Variants in DPP10 observed in about 807,000 individuals in gnomAD.
The protein encoded by DPP10 is dipeptidyl peptidase like 10.
Under a neutral mutation model 120.9 loss-of-function variants are expected in DPP10, and 33 were observed. The observed-to-expected ratio is 0.27, with a 90% CI of 0.21 to 0.37. DPP10 has a LOEUF of 0.37. Ranked by LOEUF, DPP10 falls within the 10% of genes least tolerant of loss-of-function variation. The pLI is 1.00. For synonymous variants in DPP10, 337 were observed against 326.1 expected (o/e 1.03, Z -0.36); for missense variants, 816 against 942.8 (o/e 0.87, Z 1.76).
intron 3 of DPP10, among the ~76,000 whole-genome samples, chr2:115,368,970 C>T (rs1251186260): frequency 1.3e-5 from 2 of 151,786 alleles, no homozygotes; most frequent in Non-Finnish European, 2.9e-5. Context: ...TTTATTTTCT[C>T]AAGAAAATTG....
Position 115,643,408 on chromosome 2 carries a change from G to A in DPP10, c.442-46279G>A, listed in dbSNP as rs187315532. On this transcript the variant is annotated intron_variant, in intron 5 of 25. Coordinates refer to ENST00000410059, the MANE Select transcript of DPP10 (RefSeq NM_020868.6). ...AAGAATAGTAGCAGCATGAAAAATTGTAGAGAGGCAGTAAAACTGAAAGCT... is the reference window on the plus strand; with the variant it reads ...AAGAATAGTAGCAGCATGAAAAATTATAGAGAGGCAGTAAAACTGAAAGCT... 5.3e-5 allele frequency among the ~76,000 whole-genome samples: 8 copies of A among 152,256 alleles called. No homozygotes were observed. The East Asian group carries it at 1.5e-3, about 29-fold the overall frequency.
intron 1 of DPP10, among the ~76,000 whole-genome samples, chr2:115,017,674 T>TA (rs61388707): frequency 6.6e-5 from 10 of 152,016 alleles, no homozygotes; most frequent in African/African-American, 2.2e-4. Flanking sequence ...TATGCAGCCA[T>TA]AAAAAAATGA....
At chr2:115,446,149 G>C (rs1472127940) in intron 3 of DPP10, among the ~76,000 whole-genome samples, 1 of 152,226 alleles carries the variant, frequency 6.6e-6, no homozygotes, top group Admixed American at 6.5e-5. Context: ...AGCCTTGGTG[G>C]CTTCCATGTG....
chr2:115,215,609 T>A (rs1304468658), intron 1 of DPP10, among the ~76,000 whole-genome samples: 2 of 152,146 alleles, frequency 1.3e-5, no homozygotes, highest in Non-Finnish European at 2.9e-5. Flanking sequence ...GGAGAAAAAT[T>A]ACAGAAGTGG....
intron 1 of DPP10, among the ~76,000 whole-genome samples, chr2:114,552,205 A>C (rs1687938971): frequency 6.6e-6 from 1 of 152,236 alleles, no homozygotes; most frequent in African/African-American, 2.4e-5. Flanking sequence ...TTGCCAGTGC[A>C]GTAGGGCAGC....
chr2:114,457,821 C>G (rs576354211), intron 1 of DPP10, among the ~76,000 whole-genome samples: 1 of 152,262 alleles, frequency 6.6e-6, no homozygotes. Flanking sequence ...TATCCCTGCT[C>G]CTGTCTTGGC....
chr2:115,667,107 G>A (rs1221076848), intron 5 of DPP10, among the ~76,000 whole-genome samples: 3 of 152,112 alleles, frequency 2.0e-5, no homozygotes, highest in Non-Finnish European at 4.4e-5. Context: ...AATGATTAGT[G>A]ATGTTGAGCG....
At chr2:115,703,266 TAA>T (rs1297567765) in intron 7 of DPP10, among the ~76,000 whole-genome samples, 1 of 151,974 alleles carries the variant, frequency 6.6e-6, no homozygotes, top group Non-Finnish European at 1.5e-5. Context: ...GCTGTACGCT[TAA>T]ATTTACTTAC....
intron 1 of DPP10, among the ~76,000 whole-genome samples, chr2:114,612,982 T>A (rs532645939): frequency 1.3e-5 from 2 of 152,282 alleles, no homozygotes; most frequent in African/African-American, 4.8e-5. Context: ...AGGTGGTTAT[T>A]AGTATTTGGC....
intron 8 of DPP10, among the ~76,000 whole-genome samples, chr2:115,736,793 G>A (rs1319240222): frequency 6.6e-6 from 1 of 152,136 alleles, no homozygotes; most frequent in Non-Finnish European, 1.5e-5. Context: ...GGAGCCAGAG[G>A]CTGACGGACA....
chr2:115,725,298 T>C (rs1421924118), intron 7 of DPP10, among the ~76,000 whole-genome samples: 1 of 152,200 alleles, frequency 6.6e-6, no homozygotes, highest in Non-Finnish European at 1.5e-5. Context: ...GGTTAGAGTT[T>C]TCAATTATTT....
At chr2:115,005,128 G>T (rs1395350407) in intron 1 of DPP10, among the ~76,000 whole-genome samples, 1 of 151,152 alleles carries the variant, frequency 6.6e-6, no homozygotes, top group East Asian at 2.0e-4. Flanking sequence ...CACACTGCAG[G>T]GTACTCCAAC....
At chr2:114,883,655 A>G (rs1316970431) in intron 1 of DPP10, among the ~76,000 whole-genome samples, 2 of 152,182 alleles carry the variant, frequency 1.3e-5, no homozygotes, top group Non-Finnish European at 1.5e-5. Flanking sequence ...AAAATAAAAA[A>G]CAGATGTGTA....
intron 1 of DPP10, among the ~76,000 whole-genome samples, chr2:114,827,695 A>T (rs1175997570): frequency 6.6e-6 from 1 of 152,136 alleles, no homozygotes; most frequent in Admixed American, 6.6e-5. Flanking sequence ...AGCATATAAA[A>T]ATGTTTTTCT....
intron 11 of DPP10, among the ~76,000 whole-genome samples, chr2:115,760,078 C>T (rs924995349): frequency 6.6e-6 from 1 of 151,518 alleles, no homozygotes. Context: ...AGTATTTGCA[C>T]AAGAAATGAA....
At chr2:115,786,498 T>G (rs767309144) in intron 17 of DPP10, among the ~76,000 whole-genome samples, 18 of 152,238 alleles carry the variant, frequency 1.2e-4, no homozygotes, top group Admixed American at 3.9e-4. Flanking sequence ...ATTCCCTTGT[T>G]TCCTTTAATA....
intron 5 of DPP10, among the ~76,000 whole-genome samples, chr2:115,656,077 G>T (rs112962274): frequency 6.6e-6 from 1 of 150,888 alleles, no homozygotes; most frequent in Non-Finnish European, 1.5e-5. Context: ...TAATAAGACA[G>T]TATTGTGCAC....
At chr2:115,334,117 A>G (rs535209084) in intron 2 of DPP10, among the ~76,000 whole-genome samples, 49 of 151,742 alleles carry the variant, frequency 3.2e-4, no homozygotes, top group South Asian at 8.3e-4. Flanking sequence ...AGGCAGGCTA[A>G]CATTCAAATT....
intron 1 of DPP10, among the ~76,000 whole-genome samples, chr2:114,604,396 C>T (rs1427510767): frequency 6.6e-6 from 1 of 152,022 alleles, no homozygotes; most frequent in Non-Finnish European, 1.5e-5. Context: ...TTACCTCTTA[C>T]CTGCACAGAA....
Sources: gnomAD v4.1 joint callset for allele counts (sites outside exome capture counted in the v4.1 genomes callset) on GRCh38, gnomAD v4.1.1 for gene constraint, MANE v1.5 for transcripts, NCBI Gene and HGNC (gene_info 2026-07-23, HGNC 2026-07-21) for gene names.